ASB4: variants seen among roughly 807,000 people sequenced by gnomAD.
ASB4 encodes the protein ankyrin repeat and SOCS box containing 4.
ASB4 carries 35 observed loss-of-function variants against 38.6 expected under a neutral mutation model. The ratio of observed to expected loss-of-function variants is 0.91; its 90% CI spans 0.69 to 1.20. The LOEUF is 1.20. Ranked by LOEUF, ASB4 falls within the 50% of genes most tolerant of loss-of-function variation. The pLI, the probability that ASB4 is intolerant of heterozygous loss-of-function variation, is 0.00. For missense variants in ASB4, 557 were observed against 527.2 expected, an observed-to-expected ratio of 1.06 and a Z score of -0.55; for synonymous variants, 195 against 201.3, an observed-to-expected ratio of 0.97 and a Z score of 0.26.
chr7:95,489,783 T>C (rs1194914052), intron 1 of ASB4, among the ~76,000 whole-genome samples: 3 of 152,236 alleles, frequency 2.0e-5, no homozygotes, highest in Admixed American at 6.5e-5. Flanking sequence ...TGATATAACA[T>C]TAATTATGAG....
upstream of ASB4, among the ~76,000 whole-genome samples, chr7:95,474,883 C>A (rs935331396): frequency 2.0e-5 from 3 of 152,050 alleles, no homozygotes; most frequent in African/African-American, 7.3e-5. Context: ...GGTTTTACCC[C>A]AAATAGGCAT....
intron 2 of ASB4, among the ~76,000 whole-genome samples, chr7:95,517,146 A>G (rs958877287): frequency 2.0e-5 from 3 of 152,010 alleles, no homozygotes; most frequent in African/African-American, 7.3e-5. Context: ...GGCTTTTTCT[A>G]TTGAGTTGTA....
intron 2 of ASB4, among the ~76,000 whole-genome samples, chr7:95,507,128 G>A (rs1373443607): frequency 6.6e-6 from 1 of 152,066 alleles, no homozygotes; most frequent in Non-Finnish European, 1.5e-5. Context: ...TATCTACGTA[G>A]AGGTTTTTTG....
At chr7:95,534,341 T>TA (rs11479848) in intron 3 of ASB4, among the ~76,000 whole-genome samples, 2,655 of 146,562 alleles carry the variant, frequency 0.018, 82 homozygotes, top group African/African-American at 0.06. Flanking sequence ...AAAACTCCAT[T>TA]AAAAAAAAAA....
chr7:95,471,179 C>G, the ASB4 span, among the ~76,000 whole-genome samples: 2 of 152,174 alleles, frequency 1.3e-5, no homozygotes, highest in Non-Finnish European at 2.9e-5. Flanking sequence ...AGGGAGGACC[C>G]TCATTATGAA....
At chr7:95,487,849 T>C (rs1453139438) in intron 1 of ASB4, among the ~76,000 whole-genome samples, 12 of 152,202 alleles carry the variant, frequency 7.9e-5, no homozygotes, top group African/African-American at 2.7e-4. Context: ...TTCTTATGTA[T>C]GCCAAGTGGA....
At chr7:95,506,346 G>A (rs1273308759) in intron 2 of ASB4, among the ~76,000 whole-genome samples, 3 of 152,018 alleles carry the variant, frequency 2.0e-5, no homozygotes, top group African/African-American at 4.8e-5. Context: ...TGTCATCCTG[G>A]GATTCCCATT....
intron 2 of ASB4, among the ~76,000 whole-genome samples, chr7:95,503,533 T>A (rs1790368712): frequency 6.6e-6 from 1 of 152,196 alleles, no homozygotes; most frequent in Non-Finnish European, 1.5e-5. Context: ...TGGTTCATGG[T>A]TAATGAAATG....
chr7:95,495,719 A>G, intron 1 of ASB4, 39 bp from the exon 2 acceptor site: 2 of 1,549,360 alleles, frequency 1.3e-6, no homozygotes, highest in Non-Finnish European at 8.7e-7. Context: ...CTAGGTCAAG[A>G]AGTTAAACTT....
intron 1 of ASB4, among the ~76,000 whole-genome samples, chr7:95,490,623 C>G (rs1201558377): frequency 6.6e-6 from 1 of 152,220 alleles, no homozygotes; most frequent in Non-Finnish European, 1.5e-5. Flanking sequence ...TAGTTGATAA[C>G]TGTTGCAGAG....
At chr7:95,489,002 A>G (rs79091766) in intron 1 of ASB4, among the ~76,000 whole-genome samples, 22 of 152,358 alleles carry the variant, frequency 1.4e-4, no homozygotes, top group African/African-American at 5.0e-4. Context: ...AAAGTAGTAC[A>G]ATCAATTCTA....
chr7:95,474,251 A>G (rs1294276277), upstream of ASB4, among the ~76,000 whole-genome samples: 3 of 152,146 alleles, frequency 2.0e-5, no homozygotes, highest in Non-Finnish European at 2.9e-5. Flanking sequence ...GCCATTTTAC[A>G]CATTTATTTT....
chr7:95,528,794 T>C (rs1192641726), intron 3 of ASB4: 2 of 661,040 alleles, frequency 3.0e-6, no homozygotes, highest in East Asian at 1.3e-4. Context: ...AGCACACTGT[T>C]ATAAGCATTT....
intron 2 of ASB4, among the ~76,000 whole-genome samples, chr7:95,508,421 A>T: frequency 6.6e-6 from 1 of 152,210 alleles, no homozygotes; most frequent in East Asian, 1.9e-4. Context: ...AGAGGTTTGA[A>T]ATAATTGTTA....
intron 1 of ASB4, among the ~76,000 whole-genome samples, chr7:95,490,757 T>G (rs1004067821): frequency 4.6e-5 from 7 of 152,276 alleles, no homozygotes; most frequent in African/African-American, 1.7e-4. Context: ...CTAGGCAGCT[T>G]TCTACCCAGC....
At chr7:95,515,426 T>C (rs1210254568) in intron 2 of ASB4, among the ~76,000 whole-genome samples, 7 of 146,740 alleles carry the variant, frequency 4.8e-5, no homozygotes, top group African/African-American at 7.7e-5. Context: ...CTCTCTCTCT[T>C]TTTTTTTTAA....
intron 3 of ASB4, among the ~76,000 whole-genome samples, chr7:95,532,467 G>A (rs1186490969): frequency 6.6e-6 from 1 of 152,112 alleles, no homozygotes; most frequent in Non-Finnish European, 1.5e-5. Context: ...GGGTTTTCTT[G>A]TAGGGCAAGA....
At chr7:95,494,792 G>A (rs575789306) in intron 1 of ASB4, among the ~76,000 whole-genome samples, 12 of 152,276 alleles carry the variant, frequency 7.9e-5, no homozygotes, top group South Asian at 2.1e-4. Flanking sequence ...CCAGCTCAGC[G>A]TATAGAAGTC....
intron 2 of ASB4, among the ~76,000 whole-genome samples, chr7:95,516,170 G>A (rs1268260659): frequency 6.6e-6 from 1 of 152,144 alleles, no homozygotes; most frequent in African/African-American, 2.4e-5. Context: ...TCAGTTGAAT[G>A]ATAATAGCAG....
Sources: allele counts gnomAD v4.1 joint callset (sites outside exome capture counted in the v4.1 genomes callset), GRCh38; gene constraint gnomAD v4.1.1; transcripts MANE v1.5; gene names NCBI Gene and HGNC (gene_info 2026-07-23, HGNC 2026-07-21).